Variants in PCDHAC1 observed in about 807,000 individuals in gnomAD.
The protein encoded by PCDHAC1 is protocadherin alpha-C1.
A neutral mutation model predicts 60.0 loss-of-function variants in PCDHAC1; 42 were observed. That is an observed-to-expected ratio of 0.70 (90% CI 0.55 to 0.90). The LOEUF is 0.90. PCDHAC1 is among the 40% of genes least tolerant of loss of function. PCDHAC1 has a pLI of 0.00. For missense variants in PCDHAC1, 1,160 were observed against 1,222.3 expected, an observed-to-expected ratio of 0.95 and a Z score of 0.76; for synonymous variants, 468 against 499.3, an observed-to-expected ratio of 0.94 and a Z score of 0.84.
chr5:140,949,636 T>A (rs1047386786), intron 1 of PCDHAC1, among the ~76,000 whole-genome samples: 1 of 151,898 alleles, frequency 6.6e-6, no homozygotes, highest in Admixed American at 6.6e-5. Context: ...GGCATATTGC[T>A]TTTTGTTCAT....
chr5:140,949,161 C>T (rs2094347975), intron 1 of PCDHAC1, among the ~76,000 whole-genome samples: 1 of 151,598 alleles, frequency 6.6e-6, no homozygotes, highest in Admixed American at 6.6e-5. Context: ...TAATCTAATT[C>T]TCTTTTGGTC....
intron 1 of PCDHAC1, 40 bp from the exon 2 acceptor site, chr5:140,978,909 C>T: frequency 6.2e-7 from 1 of 1,613,660 alleles, no homozygotes; most frequent in South Asian, 1.1e-5. Context: ...AGAACATTGT[C>T]TTGTCATTTT....
chr5:140,981,694 A>C (rs1407083166), intron 2 of PCDHAC1, among the ~76,000 whole-genome samples: 1 of 151,154 alleles, frequency 6.6e-6, no homozygotes, highest in Non-Finnish European at 1.5e-5. Context: ...TCCATCATTC[A>C]TTCATTCATT....
intron 3 of PCDHAC1, among the ~76,000 whole-genome samples, chr5:140,996,253 A>C (rs2153938437): frequency 6.6e-6 from 1 of 152,370 alleles, no homozygotes; most frequent in African/African-American, 2.4e-5. Flanking sequence ...AAGTGACAGC[A>C]ACACAGAGCC....
At chr5:141,005,680 C>T (rs1389178600) in intron 3 of PCDHAC1, among the ~76,000 whole-genome samples, 6 of 111,878 alleles carry the variant, frequency 5.4e-5, no homozygotes, top group East Asian at 2.8e-4. Flanking sequence ...CCAGCCTGGG[C>T]GACAGAGCGA....
chr5:140,961,887 G>GTT (rs35680913), intron 1 of PCDHAC1, among the ~76,000 whole-genome samples: 78 of 143,932 alleles, frequency 5.4e-4, no homozygotes, highest in African/African-American at 1.2e-3. Flanking sequence ...ACTTACATCA[G>GTT]TTTTTTTTTT....
At chr5:140,981,630 A>G (rs1299640748) in intron 2 of PCDHAC1, among the ~76,000 whole-genome samples, 1 of 152,110 alleles carries the variant, frequency 6.6e-6, no homozygotes, top group East Asian at 1.9e-4. Flanking sequence ...GTTTTCTTGG[A>G]CATTTTCTCT....
At position 140,926,840 on chromosome 5, in the gene PCDHAC1, C is replaced by T. The variant is rs1427760232; in HGVS notation, c.-53C>T. ...CTCTCCAGGAGTCCGGAGCATGGTC[C>T]TGGGTCACCGTTGGTGTAGCGTGTT... On this transcript the variant is annotated 5_prime_UTR_variant, in exon 1 of 4. Coordinates refer to ENST00000253807, the MANE Select transcript of PCDHAC1 (RefSeq NM_018898.5). 4 of 1,514,378 alleles carry T rather than the reference C, an allele frequency of 2.6e-6. No homozygotes were observed. The highest frequency in any genetic ancestry group is 2.7e-5 in the South Asian group (2 of 75,016). 93.8% of individuals were successfully genotyped at this position (1,514,378 alleles called of 1,614,324 possible). A position where few individuals can be genotyped will look rare whatever the true frequency, so the allele number is the denominator to read the frequency against.
chr5:140,946,631 T>TATATATATATAC (rs57893927), intron 1 of PCDHAC1, among the ~76,000 whole-genome samples: 3,699 of 131,684 alleles, frequency 0.028, 186 homozygotes, highest in East Asian at 0.064. Flanking sequence ...TATATATATA[T>TATATATATATAC]ACAATGGAAT....
intron 1 of PCDHAC1, among the ~76,000 whole-genome samples, chr5:140,958,679 A>G (rs1317780380): frequency 6.6e-6 from 1 of 152,200 alleles, no homozygotes; most frequent in Non-Finnish European, 1.5e-5. Context: ...ATTATAAAGG[A>G]TATTGAATAT....
chr5:140,992,017 C>CTGTGTGTG (rs10602499), intron 3 of PCDHAC1, among the ~76,000 whole-genome samples: 149 of 145,626 alleles, frequency 1.0e-3, no homozygotes, highest in African/African-American at 2.4e-3. Flanking sequence ...AGAGGTGGCT[C>CTGTGTGTG]TGTGTGTGTG....
intron 1 of PCDHAC1, among the ~76,000 whole-genome samples, chr5:140,970,086 G>T (rs1263388270): frequency 6.6e-6 from 1 of 152,102 alleles, no homozygotes; most frequent in Non-Finnish European, 1.5e-5. Flanking sequence ...TTAGGGGTGT[G>T]GGGGGATGGT....
intron 3 of PCDHAC1, among the ~76,000 whole-genome samples, chr5:141,002,971 T>C (rs138459473): frequency 6.6e-6 from 1 of 152,274 alleles, no homozygotes; most frequent in African/African-American, 2.4e-5. Flanking sequence ...TTCCTGAAAA[T>C]AGTATCCTTG....
chr5:140,930,985 A>G (rs2087229279), intron 1 of PCDHAC1, among the ~76,000 whole-genome samples: 1 of 152,110 alleles, frequency 6.6e-6, no homozygotes, highest in Non-Finnish European at 1.5e-5. Context: ...TTTCTTCCTC[A>G]TGACCTACAC....
At chr5:140,929,400 A>G (rs915139377) in intron 1 of PCDHAC1, 75 bp downstream of exon 1, 5 of 1,509,110 alleles carry the variant, frequency 3.3e-6, no homozygotes, top group African/African-American at 2.8e-5. Flanking sequence ...TATTTCTTAG[A>G]CAAGCCTTTC....
At chr5:140,969,948 G>A (rs1206322511) in intron 1 of PCDHAC1, among the ~76,000 whole-genome samples, 3 of 152,198 alleles carry the variant, frequency 2.0e-5, no homozygotes, top group African/African-American at 7.2e-5. Context: ...TGAAGCTAAA[G>A]TTTGCTTTGG....
In PCDHAC1 at chr5:140,928,720, A is replaced by G. The variant is rs2085475122; in HGVS notation, c.1828A>G (p.Arg610Gly). 1 of 1,614,076 alleles carries G rather than the reference A, an allele frequency of 6.2e-7. No homozygotes were observed. Reference protein sequence around the residue: ...ISRASDSSLFRISANIGELRT... With the variant: ...ISRASDSSLFGISANIGELRT... ...CCGGGCGTCTGACTCTAGTCTCTTT[A>G]GAATTTCAGCCAATATAGGTGAGCT... The change falls in exon 1 of 4, where the codon AGA (arginine) becomes GGA (glycine). Residue 610 changes from arginine (R) to glycine (G), a missense_variant. Transcript: ENST00000253807.
intron 1 of PCDHAC1, among the ~76,000 whole-genome samples, chr5:140,975,611 A>C (rs191363875): frequency 7.0e-4 from 106 of 152,356 alleles, no homozygotes; most frequent in African/African-American, 2.4e-3. Flanking sequence ...GATGTCTTCC[A>C]CATGGATTTC....
chr5:140,971,970 A>C (rs2096510217), intron 1 of PCDHAC1, among the ~76,000 whole-genome samples: 1 of 152,130 alleles, frequency 6.6e-6, no homozygotes, highest in Non-Finnish European at 1.5e-5. Flanking sequence ...TTTTTTCAAT[A>C]CTATGAGTAG....
Sources: gnomAD v4.1 joint callset for allele counts (sites outside exome capture counted in the v4.1 genomes callset) on GRCh38, gnomAD v4.1.1 for gene constraint, MANE v1.5 for transcripts, NCBI Gene and HGNC (gene_info 2026-07-23, HGNC 2026-07-21) for gene names.